SDK1: variants seen among roughly 807,000 people sequenced by gnomAD.
SDK1 encodes protein sidekick-1.
SDK1 carries 157 observed loss-of-function variants against 245.5 expected under a neutral mutation model. The ratio of observed to expected loss-of-function variants is 0.64; its 90% CI spans 0.56 to 0.73. The LOEUF is 0.73. Among genes scored for constraint, SDK1 ranks in the 30% least tolerant of loss-of-function variants. The pLI is 0.00. For synonymous variants in SDK1, 1,647 were observed against 1,278.5 expected, an observed-to-expected ratio of 1.29 and a Z score of -6.15; for missense variants, 3,583 against 3,002.3, an observed-to-expected ratio of 1.19 and a Z score of -4.52.
At chr7:3,759,174 C>G (rs966752116) in intron 4 of SDK1, among the ~76,000 whole-genome samples, 3 of 152,172 alleles carry the variant, frequency 2.0e-5, no homozygotes, top group African/African-American at 4.8e-5. Context: ...AATAATCAGT[C>G]AAATCACTGT....
At chr7:3,357,326 G>GTTTTTTTTTTTTT (rs1780826215) in intron 1 of SDK1, among the ~76,000 whole-genome samples, 2 of 50,102 alleles carry the variant, frequency 4.0e-5, no homozygotes, top group Non-Finnish European at 4.0e-5. Context: ...CCTTCTTTTA[G>GTTTTTTTTTTTTT]TGTTTTTTTT....
intron 1 of SDK1, among the ~76,000 whole-genome samples, chr7:3,364,730 C>A (rs934372160): frequency 2.0e-5 from 3 of 151,936 alleles, no homozygotes; most frequent in Non-Finnish European, 2.9e-5. Flanking sequence ...CCTTTATTTT[C>A]TTTTTCAAAA....
At chr7:3,784,793 G>C (rs775169404) in intron 4 of SDK1, among the ~76,000 whole-genome samples, 12 of 152,166 alleles carry the variant, frequency 7.9e-5, no homozygotes, top group Non-Finnish European at 1.6e-4. Context: ...AAACTATGTG[G>C]AGATTCCTCA....
intron 4 of SDK1, among the ~76,000 whole-genome samples, chr7:3,707,946 C>G (rs983803047): frequency 2.6e-5 from 4 of 152,034 alleles, no homozygotes; most frequent in African/African-American, 4.8e-5. Flanking sequence ...TTTATGAATC[C>G]TCATGTATTA....
rs1781948118 is a variant in SDK1, at chr7:3,494,063, A to C, written c.299-125017A>C. Reference sequence around the variant, plus strand: ...AAAAGTCAGATTTTTTTTTTAAGGTAAACTCTGATCTCATTTATTTAGAAG... The same window carrying C: ...AAAAGTCAGATTTTTTTTTTAAGGTCAACTCTGATCTCATTTATTTAGAAG... On this transcript the variant is annotated intron_variant, in intron 1 of 44. Transcript: ENST00000404826. 2.0e-5 allele frequency among the ~76,000 whole-genome samples: 3 copies of C among 152,160 alleles called. No individual in the cohort carries two copies. In the South Asian group the frequency reaches 6.2e-4, roughly 32 times the overall value.
chr7:4,159,269 C>T (rs1052746981), intron 31 of SDK1, among the ~76,000 whole-genome samples: 4 of 152,232 alleles, frequency 2.6e-5, no homozygotes, highest in South Asian at 4.1e-4. Flanking sequence ...CTGGCTCACC[C>T]TGTGACCTCA....
chr7:3,587,884 G>T (rs1562584214), intron 1 of SDK1, among the ~76,000 whole-genome samples: 2 of 152,232 alleles, frequency 1.3e-5, no homozygotes, highest in South Asian at 4.1e-4. Context: ...TGTGTTCTCA[G>T]TAGCTGACAC....
chr7:3,617,718 C>G (rs975595688), intron 1 of SDK1, among the ~76,000 whole-genome samples: 1 of 152,130 alleles, frequency 6.6e-6, no homozygotes. Context: ...TTTATTAGGA[C>G]CCCTCTCCCT....
chr7:3,599,093 T>C (rs1290349159), intron 1 of SDK1, among the ~76,000 whole-genome samples: 1 of 63,324 alleles, frequency 1.6e-5, no homozygotes, highest in Admixed American at 2.1e-4. Context: ...AATCCACCTT[T>C]TTTTTTTTTT....
chr7:3,552,092 G>T (rs1779436792), intron 1 of SDK1, among the ~76,000 whole-genome samples: 1 of 151,808 alleles, frequency 6.6e-6, no homozygotes, highest in African/African-American at 2.4e-5. Flanking sequence ...AGGCTGGAGT[G>T]CGGTGGCGCA....
chr7:3,958,872 A>G (rs1049812047), intron 7 of SDK1, 59 bp from the exon 8 acceptor site: 110 of 1,320,152 alleles, frequency 8.3e-5, no homozygotes, highest in Non-Finnish European at 1.1e-4. Flanking sequence ...CTTAGGTTAT[A>G]TGGTCTCTGA....
In SDK1 at chr7:4,219,113, C is replaced by T. The variant is rs536261176; in HGVS notation, c.5540-996C>T. Among the ~76,000 whole-genome samples the T allele has an allele frequency of 1.1e-3, 161 of 152,282 alleles. 2 individuals carry two copies. The highest frequency in any genetic ancestry group is 3.6e-3 in the African/African-American group (151 of 41,572). On this transcript the variant is annotated intron_variant, in intron 38 of 44. Coordinates refer to ENST00000404826, the MANE Select transcript of SDK1 (RefSeq NM_152744.4). Reference sequence around the variant, plus strand: ...AGGACGTTTGTCTCTATGTTGCCATCGTCCTCTGAATCGAGGCATCAATAC... The same window carrying T: ...AGGACGTTTGTCTCTATGTTGCCATTGTCCTCTGAATCGAGGCATCAATAC...
At chr7:3,398,673 T>G (rs1405099067) in intron 1 of SDK1, among the ~76,000 whole-genome samples, 1 of 151,846 alleles carries the variant, frequency 6.6e-6, no homozygotes, top group Non-Finnish European at 1.5e-5. Context: ...TTATTTATTT[T>G]TTTAACCTCC....
At chr7:4,241,029 T>C (rs1305288596) in intron 42 of SDK1, among the ~76,000 whole-genome samples, 1 of 152,244 alleles carries the variant, frequency 6.6e-6, no homozygotes, top group Non-Finnish European at 1.5e-5. Flanking sequence ...AATTATTTTT[T>C]ATGTTGTTCG....
intron 12 of SDK1, among the ~76,000 whole-genome samples, chr7:3,972,923 T>C (rs979585464): frequency 1.5e-3 from 229 of 152,236 alleles, no homozygotes; most frequent in African/African-American, 5.3e-3. Flanking sequence ...AGGACCCCCC[T>C]GGGGGCCACC....
At chr7:3,707,957 G>A (rs763124816) in intron 4 of SDK1, among the ~76,000 whole-genome samples, 7 of 151,958 alleles carry the variant, frequency 4.6e-5, no homozygotes, top group Admixed American at 4.6e-4. Flanking sequence ...TCATGTATTA[G>A]TCTCATTGCT....
In SDK1 at chr7:3,726,912, T is replaced by G. The variant is rs78182378; in HGVS notation, c.713+84807T>G. 3.8e-3 allele frequency among the ~76,000 whole-genome samples: 580 copies of G among 152,350 alleles called. 5 individuals carry two copies. Among genetic ancestry groups the G allele is most frequent in the South Asian group, 0.017 (80 of 4,832 alleles). ...AGGGTGTAAATCACACCAAAGAATT[T>G]TTGCTCAACCACTTTGCTAGATAGA... On this transcript the variant is annotated intron_variant, in intron 4 of 44. Coordinates refer to ENST00000404826, the MANE Select transcript of SDK1 (RefSeq NM_152744.4).
intron 5 of SDK1, among the ~76,000 whole-genome samples, chr7:3,908,648 C>G (rs1779045683): frequency 6.6e-6 from 1 of 152,140 alleles, no homozygotes; most frequent in African/African-American, 2.4e-5. Flanking sequence ...ACACCTAAGC[C>G]TATCCTGATA....
At chr7:3,819,828 G>A (rs576581369) in intron 4 of SDK1, among the ~76,000 whole-genome samples, 2 of 152,178 alleles carry the variant, frequency 1.3e-5, no homozygotes, top group East Asian at 3.9e-4. Flanking sequence ...AAAATCAAGA[G>A]TTTTTGAAAA....
Sources: allele counts gnomAD v4.1 joint callset (sites outside exome capture counted in the v4.1 genomes callset), GRCh38; gene constraint gnomAD v4.1.1; transcripts MANE v1.5; gene names NCBI Gene and HGNC (gene_info 2026-07-23, HGNC 2026-07-21).